Variants in FTO observed in about 807,000 individuals in gnomAD.
The protein encoded by FTO is alpha-ketoglutarate-dependent dioxygenase FTO.
A neutral mutation model predicts 63.9 loss-of-function variants in FTO; 47 were observed. The ratio of observed to expected loss-of-function variants is 0.74; its 90% CI spans 0.58 to 0.94. The LOEUF (loss-of-function observed/expected upper bound fraction) is 0.94, where lower values mean the gene tolerates loss of function less well. Among genes scored for constraint, FTO ranks in the 40% least tolerant of loss-of-function variants. The pLI, the probability that FTO is intolerant of heterozygous loss-of-function variation, is 0.00. For missense variants in FTO, 562 were observed against 618.1 expected (o/e 0.91, Z 0.96); for synonymous variants, 207 against 224.4 (o/e 0.92, Z 0.69).
chr16:53,866,308 T>C (rs928963113), intron 4 of FTO, among the ~76,000 whole-genome samples: 3 of 152,172 alleles, frequency 2.0e-5, no homozygotes. Context: ...TATTTTGATG[T>C]GGATTTTTGC....
chr16:53,815,644 T>G (rs2078657579), intron 2 of FTO, among the ~76,000 whole-genome samples: 4 of 40,134 alleles, frequency 1.0e-4, no homozygotes, highest in South Asian at 1.2e-3. Context: ...TTGTTTTTTT[T>G]TTTTTTTTTT....
intron 1 of FTO, among the ~76,000 whole-genome samples, chr16:53,742,485 G>T (rs768154038): frequency 2.6e-5 from 4 of 152,124 alleles, no homozygotes; most frequent in Non-Finnish European, 4.4e-5. Context: ...GCCTTCTAAG[G>T]TGGTTATAAA....
intron 1 of FTO, among the ~76,000 whole-genome samples, chr16:53,805,248 G>A (rs2078332690): frequency 6.6e-6 from 1 of 152,094 alleles, no homozygotes; most frequent in Non-Finnish European, 1.5e-5. Flanking sequence ...ATTTGTAGGT[G>A]AGATACACCC....
Position 53,766,032 on chromosome 16 carries a change from T to C in FTO, c.46-44108T>C, listed in dbSNP as rs552661608. 4.1e-4 allele frequency among the ~76,000 whole-genome samples: 63 copies of C among 152,170 alleles called. No homozygotes were observed. In the South Asian group the frequency reaches 0.013, roughly 31 times the overall value. On this transcript the variant is annotated intron_variant, in intron 1 of 8. Transcript: ENST00000471389. The stretch of plus-strand genomic sequence containing the variant: ...GCCAGAGTAGAATTAGGGAGAAATA[T>C]TGGGAAAGGAATGTTCTGATGGCTT...
chr16:53,991,181 G>A (rs1464526356), intron 8 of FTO: 1 of 152,126 alleles, frequency 6.6e-6, no homozygotes. Flanking sequence ...CCAAATCTCA[G>A]CGTGTGTCCT....
intron 8 of FTO, among the ~76,000 whole-genome samples, chr16:54,034,696 A>G (rs2084906943): frequency 6.6e-6 from 1 of 152,218 alleles, no homozygotes; most frequent in African/African-American, 2.4e-5. Flanking sequence ...TCACAAAACA[A>G]TCTTTAAAGT....
At chr16:53,888,454 TTTAA>T (rs1305521314) in intron 6 of FTO, among the ~76,000 whole-genome samples, 1 of 76,918 alleles carries the variant, frequency 1.3e-5, no homozygotes, top group African/African-American at 4.5e-5. Flanking sequence ...CCAATTTATT[TTTAA>T]TTGTTTTATT....
intron 7 of FTO, among the ~76,000 whole-genome samples, chr16:53,915,936 T>C (rs1366793392): frequency 6.6e-6 from 1 of 152,192 alleles, no homozygotes; most frequent in Non-Finnish European, 1.5e-5. Context: ...CAGAGTTAAG[T>C]AGGAATTCAT....
intron 8 of FTO, among the ~76,000 whole-genome samples, chr16:53,959,510 TTTA>T (rs887940138): frequency 2.0e-5 from 3 of 151,478 alleles, no homozygotes; most frequent in African/African-American, 7.3e-5. Flanking sequence ...AATAATATTA[TTTA>T]TTATTATTAT....
intron 8 of FTO, among the ~76,000 whole-genome samples, chr16:53,975,347 A>T (rs190205240): frequency 6.6e-6 from 1 of 152,042 alleles, no homozygotes; most frequent in Non-Finnish European, 1.5e-5. Flanking sequence ...TATTTATTTT[A>T]TGCTAATTTC....
In FTO at chr16:53,931,686, G is replaced by A. The variant is rs150968588; in HGVS notation, c.1240-2299G>A. 1.1e-3 allele frequency among the ~76,000 whole-genome samples: 162 copies of A among 152,142 alleles called. 1 individual carries two copies. The highest frequency in any genetic ancestry group is 0.01 in the East Asian group (53 of 5,182). On this transcript the variant is annotated intron_variant, in intron 7 of 8. Coordinates refer to ENST00000471389, the MANE Select transcript of FTO (RefSeq NM_001080432.3). ...GGTGTCACAGACAAGGAGTAGTACC[G>A]TTGTTAGAATACCCGCTAATGCTCA...
rs544441608 is a variant in FTO, at chr16:53,725,807, T to C, written c.45+21578T>C. Reference sequence around the variant, plus strand: ...TCTGGTGTAGACCCACACTTTTATATAAAATCATTTTCAAGTTCAAACCTC... The same window carrying C: ...TCTGGTGTAGACCCACACTTTTATACAAAATCATTTTCAAGTTCAAACCTC... On this transcript the variant is annotated intron_variant, in intron 1 of 8. Coordinates refer to ENST00000471389, the MANE Select transcript of FTO (RefSeq NM_001080432.3). Among the ~76,000 whole-genome samples, 6 of 152,238 alleles carry C rather than the reference T, an allele frequency of 3.9e-5. No individual in the cohort carries two copies. In the South Asian group the frequency reaches 1.2e-3, roughly 32 times the overall value.
chr16:53,822,563 C>T (rs768152449), intron 2 of FTO, among the ~76,000 whole-genome samples: 8 of 152,166 alleles, frequency 5.3e-5, no homozygotes, highest in Non-Finnish European at 1.2e-4. Context: ...GAAAGAGATG[C>T]ACACAGTGGG....
At chr16:53,789,521 A>G (rs190506700) in intron 1 of FTO, among the ~76,000 whole-genome samples, 5 of 152,268 alleles carry the variant, frequency 3.3e-5, no homozygotes, top group African/African-American at 1.2e-4. Flanking sequence ...TTCTAATTTC[A>G]TGATGCCAAA....
intron 1 of FTO, among the ~76,000 whole-genome samples, chr16:53,740,488 T>C (rs755108468): frequency 1.4e-4 from 21 of 152,258 alleles, no homozygotes; most frequent in Non-Finnish European, 2.9e-4. Context: ...AATGTGCTGA[T>C]AGAATATTTT....
At chr16:53,818,231 G>A (rs1443330323) in intron 2 of FTO, among the ~76,000 whole-genome samples, 1 of 150,794 alleles carries the variant, frequency 6.6e-6, no homozygotes, top group Non-Finnish European at 1.5e-5. Context: ...TATGTGTCAG[G>A]CACTAATTTA....
intron 1 of FTO, among the ~76,000 whole-genome samples, chr16:53,718,927 T>G (rs1457606063): frequency 1.3e-5 from 2 of 152,004 alleles, no homozygotes; most frequent in Admixed American, 1.3e-4. Flanking sequence ...ACTCCAGGGG[T>G]TGAGGGTATA....
At chr16:54,070,647 C>T (rs187023492) in intron 8 of FTO, 2 of 152,246 alleles carry the variant, frequency 1.3e-5, no homozygotes, top group East Asian at 3.9e-4. Context: ...GGAATTCTTC[C>T]CTGCAGGCAG....
chr16:53,874,903 G>A (rs958373678), intron 5 of FTO, among the ~76,000 whole-genome samples: 10 of 152,142 alleles, frequency 6.6e-5, no homozygotes, highest in African/African-American at 2.2e-4. Flanking sequence ...CTGTAGGCCT[G>A]GGAGATAGAG....
Sources: allele counts gnomAD v4.1 joint callset (sites outside exome capture counted in the v4.1 genomes callset), GRCh38; gene constraint gnomAD v4.1.1; transcripts MANE v1.5; gene names NCBI Gene and HGNC (gene_info 2026-07-23, HGNC 2026-07-21).